Variants in RREB1 observed in about 807,000 individuals in gnomAD.
The protein encoded by RREB1 is ras responsive element binding protein 1, also known as ras-responsive element-binding protein 1.
RREB1 carries 27 observed loss-of-function variants against 117.8 expected under a neutral mutation model. The ratio of observed to expected loss-of-function variants is 0.23; its 90% confidence interval spans 0.17 to 0.32. The LOEUF (loss-of-function observed/expected upper bound fraction) is 0.32, where lower values mean the gene tolerates loss of function less well. Ranked by LOEUF, RREB1 falls within the 10% of genes least tolerant of loss-of-function variation. The pLI is 1.00. For missense variants in RREB1, 2,577 were observed against 2,378.2 expected (o/e 1.08, Z -1.74); for synonymous variants, 1,298 against 1,026.7 (o/e 1.26, Z -5.05).
intron 1 of RREB1, among the ~76,000 whole-genome samples, chr6:7,148,916 G>A (rs952978300): frequency 6.6e-6 from 1 of 152,180 alleles, no homozygotes; most frequent in East Asian, 1.9e-4. Context: ...ACCATACCAG[G>A]TTGTCTGTAT....
chr6:7,129,929 C>T (rs1762082677), intron 1 of RREB1, among the ~76,000 whole-genome samples: 1 of 152,152 alleles, frequency 6.6e-6, no homozygotes, highest in Non-Finnish European at 1.5e-5. Flanking sequence ...GAAGGTAGGG[C>T]CAAGAGCTTT....
intron 8 of RREB1, chr6:7,214,243 T>C (rs1766776141): frequency 6.6e-6 from 1 of 152,282 alleles, no homozygotes; most frequent in Non-Finnish European, 1.5e-5. Context: ...CACGTCCAGC[T>C]AGCCGACCTA....
At position 7,244,870 on chromosome 6, in the gene RREB1, T is replaced by C. The variant is rs942975265; in HGVS notation, c.3974-1554T>C. Among the ~76,000 whole-genome samples, 36 of 152,190 alleles carry C rather than the reference T, an allele frequency of 2.4e-4. 1 individual carries two copies. Among genetic ancestry groups the C allele is most frequent in the African/African-American group, 8.7e-4 (36 of 41,438 alleles). ...CCTTACCCCAGCCCTCCTGACCGCCTTGATGGCAAATCATCAAGCATGTGA... is the reference window on the plus strand; with the variant it reads ...CCTTACCCCAGCCCTCCTGACCGCCCTGATGGCAAATCATCAAGCATGTGA... On this transcript the variant is annotated intron_variant, in intron 11 of 12. Coordinates refer to ENST00000379938, the MANE Select transcript of RREB1 (RefSeq NM_001003699.4).
intron 2 of RREB1, among the ~76,000 whole-genome samples, chr6:7,179,618 T>C (rs767300086): frequency 1.4e-4 from 21 of 152,306 alleles, no homozygotes; most frequent in Admixed American, 2.6e-4. Context: ...AAGTATGTAA[T>C]TATGTGATTG....
intron 6 of RREB1, 128 bp downstream of exon 6, chr6:7,189,450 A>G (rs1765281066): frequency 1.1e-6 from 1 of 909,314 alleles, no homozygotes. Flanking sequence ...TGTCCATTGT[A>G]TGGAAAAACC....
Position 7,245,395 on chromosome 6 carries a change from G to GA in RREB1, c.3974-1023dup, listed in dbSNP as rs1380162526. Among the ~76,000 whole-genome samples the GA allele has an allele frequency of 3.3e-5, 5 of 152,212 alleles. No homozygotes were observed. In the East Asian group the frequency reaches 5.8e-4, roughly 18 times the overall value. On this transcript the variant is annotated intron_variant, in intron 11 of 12. Transcript: ENST00000379938. The stretch of plus-strand genomic sequence containing the variant: ...GGGCGACAAGGCGAAACTCCGTCTT[G>GA]AAAAAATAATAAAAACTAAATCAGA...
At chr6:7,149,334 G>A (rs1763011448) in intron 1 of RREB1, among the ~76,000 whole-genome samples, 1 of 152,160 alleles carries the variant, frequency 6.6e-6, no homozygotes, top group African/African-American at 2.4e-5. Flanking sequence ...TACCAGAGAA[G>A]TCATAGACAT....
rs547514965 is a variant in RREB1 at position 7,247,696 on chromosome 6, GT to G, written c.4771+477del. 5.3e-5 allele frequency among the ~76,000 whole-genome samples: 8 copies of G among 152,306 alleles called. No individual in the cohort carries two copies. In the South Asian group the frequency reaches 1.7e-3, roughly 32 times the overall value. Reference sequence around the variant, plus strand: ...GGCCTTTTCCTTTCTTAGCCGTGCAGTTCGGCTGAGATGACTGGGACAGGAC... The same window carrying G: ...GGCCTTTTCCTTTCTTAGCCGTGCAGTCGGCTGAGATGACTGGGACAGGAC... On this transcript the variant is annotated intron_variant, in intron 12 of 12. Coordinates refer to ENST00000379938, the MANE Select transcript of RREB1 (RefSeq NM_001003699.4).
chr6:7,195,734 G>A (rs1010628280), intron 6 of RREB1, among the ~76,000 whole-genome samples: 3 of 152,154 alleles, frequency 2.0e-5, no homozygotes, highest in African/African-American at 7.2e-5. Context: ...CTCCAGAGCC[G>A]ATGCTAAGCT....
chr6:7,185,494 C>T (rs1447186093), intron 4 of RREB1, among the ~76,000 whole-genome samples: 3 of 151,956 alleles, frequency 2.0e-5, no homozygotes, highest in Non-Finnish European at 2.9e-5. Context: ...CACTTGAACC[C>T]GGGAGGCGGA....
intron 9 of RREB1, among the ~76,000 whole-genome samples, chr6:7,228,140 T>TTGTTCAAC (rs776709106): frequency 6.6e-6 from 1 of 152,170 alleles, no homozygotes; most frequent in Non-Finnish European, 1.5e-5. Flanking sequence ...AACAGTGTTG[T>TTGTTCAAC]TGTTCAAGTG....
intron 6 of RREB1, among the ~76,000 whole-genome samples, chr6:7,202,068 C>T (rs1389782643): frequency 1.3e-5 from 2 of 152,152 alleles, no homozygotes; most frequent in Non-Finnish European, 2.9e-5. Flanking sequence ...ATTCTCTCTC[C>T]AATCTTGGTT....
chr6:7,222,327 G>A (rs1767313664), intron 8 of RREB1, among the ~76,000 whole-genome samples: 2 of 152,064 alleles, frequency 1.3e-5, no homozygotes, highest in Admixed American at 6.6e-5. Context: ...GGTCATGTGG[G>A]GATTCTTATC....
chr6:7,238,181 TA>T (rs1768463223), intron 10 of RREB1, among the ~76,000 whole-genome samples: 2 of 152,282 alleles, frequency 1.3e-5, no homozygotes, highest in Non-Finnish European at 2.9e-5. Flanking sequence ...ACTTTATTTT[TA>T]CTTGAAATTA....
intron 1 of RREB1, among the ~76,000 whole-genome samples, chr6:7,161,808 C>T (rs1234379945): frequency 1.3e-5 from 2 of 152,204 alleles, no homozygotes; most frequent in African/African-American, 2.4e-5. Flanking sequence ...TACAGCATTG[C>T]TTCCACCCAC....
At chr6:7,148,300 G>A (rs1762962469) in intron 1 of RREB1, among the ~76,000 whole-genome samples, 1 of 152,024 alleles carries the variant, frequency 6.6e-6, no homozygotes, top group African/African-American at 2.4e-5. Context: ...CAATGTTGGG[G>A]ATGGAAAAAA....
chr6:7,220,240 T>C (rs1317664948), intron 8 of RREB1, among the ~76,000 whole-genome samples: 1 of 152,190 alleles, frequency 6.6e-6, no homozygotes, highest in Non-Finnish European at 1.5e-5. Context: ...TGCAGGTGTT[T>C]TCTGGGTGAA....
intron 6 of RREB1, among the ~76,000 whole-genome samples, chr6:7,203,881 G>A (rs927047231): frequency 6.6e-6 from 1 of 152,176 alleles, no homozygotes; most frequent in Non-Finnish European, 1.5e-5. Flanking sequence ...AGGAATAAAC[G>A]TCAGTATCAG....
chr6:7,156,992 G>T (rs1421924030), intron 1 of RREB1, among the ~76,000 whole-genome samples: 2 of 152,168 alleles, frequency 1.3e-5, no homozygotes, highest in African/African-American at 4.8e-5. Context: ...TGTTGGGGAG[G>T]ACTTTGTCTG....
Sources: allele counts gnomAD v4.1 joint callset (sites outside exome capture counted in the v4.1 genomes callset), GRCh38; gene constraint gnomAD v4.1.1; transcripts MANE v1.5; gene names NCBI Gene and HGNC (gene_info 2026-07-23, HGNC 2026-07-21).